The following ITFG1 variants were observed in gnomAD, a reference collection of about 807,000 sequenced individuals.
ITFG1 encodes integrin alpha FG-GAP repeat containing 1.
A neutral mutation model predicts 81.8 loss-of-function variants in ITFG1; 34 were observed. The ratio of observed to expected loss-of-function variants is 0.42; its 90% confidence interval spans 0.32 to 0.55. ITFG1 has a LOEUF of 0.55. Ranked by LOEUF, ITFG1 falls within the 20% of genes least tolerant of loss-of-function variation. The probability of loss-of-function intolerance (pLI) is 0.17; values close to 1 mark genes in which losing one functional copy is unlikely to be tolerated. For missense variants in ITFG1, 672 were observed against 755.4 expected (o/e 0.89, Z 1.29); for synonymous variants, 285 against 270.6 (o/e 1.05, Z -0.52).
chr16:47,404,196 C>T (rs1968699482), intron 6 of ITFG1, among the ~76,000 whole-genome samples: 1 of 152,108 alleles, frequency 6.6e-6, no homozygotes, highest in South Asian at 2.1e-4. Context: ...ACAGACAGTC[C>T]CTTCACAGAC....
intron 14 of ITFG1, among the ~76,000 whole-genome samples, chr16:47,196,968 T>G (rs1033089416): frequency 6.6e-6 from 1 of 151,918 alleles, no homozygotes; most frequent in Admixed American, 6.6e-5. Flanking sequence ...CAACAAAATT[T>G]AGAGATCCTA....
intron 8 of ITFG1, among the ~76,000 whole-genome samples, chr16:47,352,873 C>T (rs1446200467): frequency 6.6e-6 from 1 of 152,140 alleles, no homozygotes; most frequent in Non-Finnish European, 1.5e-5. Flanking sequence ...GAATACTATG[C>T]AGCCATAAAA....
At chr16:47,430,277 A>G (rs191959584) in intron 5 of ITFG1, among the ~76,000 whole-genome samples, 1 of 151,136 alleles carries the variant, frequency 6.6e-6, no homozygotes, top group East Asian at 1.9e-4. Context: ...TGTTGGCCAG[A>G]CTGGTCTTGA....
chr16:47,162,923 C>T (rs933935811), intron 14 of ITFG1, among the ~76,000 whole-genome samples: 6 of 152,024 alleles, frequency 3.9e-5, no homozygotes, highest in East Asian at 1.9e-4. Context: ...ATCCTCCTTC[C>T]GAGCCTCCCA....
At chr16:47,295,711 A>G (rs572363481) in intron 10 of ITFG1, among the ~76,000 whole-genome samples, 26 of 152,056 alleles carry the variant, frequency 1.7e-4, no homozygotes, top group Non-Finnish European at 2.9e-4. Context: ...TGGTTATTAG[A>G]GGGAGTGGTT....
At chr16:47,214,437 C>A (rs1416207159) in intron 14 of ITFG1, among the ~76,000 whole-genome samples, 6 of 151,946 alleles carry the variant, frequency 3.9e-5, no homozygotes, top group African/African-American at 1.5e-4. Context: ...CATAAATGAC[C>A]AACAACTCAC....
chr16:47,420,880 G>A (rs1224033534), intron 6 of ITFG1, among the ~76,000 whole-genome samples: 2 of 152,156 alleles, frequency 1.3e-5, no homozygotes, highest in African/African-American at 4.8e-5. Flanking sequence ...AATGGATTAA[G>A]ACAGAGTCTA....
At chr16:47,280,590 T>C (rs1425911354) in intron 10 of ITFG1, among the ~76,000 whole-genome samples, 1 of 152,170 alleles carries the variant, frequency 6.6e-6, no homozygotes, top group Non-Finnish European at 1.5e-5. Context: ...CATCTTTTGT[T>C]ACTCATAACA....
intron 1 of ITFG1, 76 bp from the exon 2 acceptor site, chr16:47,459,251 C>T: frequency 1.0e-6 from 1 of 968,954 alleles, no homozygotes; most frequent in Non-Finnish European, 1.7e-6. Flanking sequence ...AAGAAGGTTT[C>T]TGGGCACTGT....
At chr16:47,259,679 T>C (rs2151541910) in intron 11 of ITFG1, among the ~76,000 whole-genome samples, 1 of 152,336 alleles carries the variant, frequency 6.6e-6, no homozygotes, top group African/African-American at 2.4e-5. Flanking sequence ...AAGGATATAC[T>C]GTGATACATT....
At chr16:47,213,602 A>G (rs1002989785) in intron 14 of ITFG1, among the ~76,000 whole-genome samples, 3 of 152,146 alleles carry the variant, frequency 2.0e-5, no homozygotes, top group Non-Finnish European at 4.4e-5. Context: ...TAGAATTGCT[A>G]TGTCACGGGA....
intron 14 of ITFG1, chr16:47,202,578 G>C (rs1052847674): frequency 3.3e-5 from 5 of 149,780 alleles, no homozygotes; most frequent in Admixed American, 3.3e-4. Context: ...CTGCTGTGCA[G>C]GTGTAACTTA....
At chr16:47,230,689 A>G (rs536104359) in intron 13 of ITFG1, among the ~76,000 whole-genome samples, 3 of 152,336 alleles carry the variant, frequency 2.0e-5, no homozygotes, top group Non-Finnish European at 4.4e-5. Context: ...AGGAAAAGCA[A>G]TGAGAATGGC....
In ITFG1 at chr16:47,352,914, T is replaced by C. The variant is rs147816460; in HGVS notation, c.802+12874A>G. Among the ~76,000 whole-genome samples the C allele has an allele frequency of 4.0e-4, 61 of 152,258 alleles. 1 individual carries two copies. The Middle Eastern group carries it at 0.01, about 25-fold the overall frequency. On this transcript the variant is annotated intron_variant, in intron 8 of 17. Transcript: ENST00000320640. ...TGAGTTCATCTCCTTTGTAGCGACA[T>C]GGATGAAGCTGGAAACCATGATTCT... is the stretch of plus-strand genomic sequence containing the variant.
At chr16:47,381,683 A>T (rs1968398015) in intron 6 of ITFG1, among the ~76,000 whole-genome samples, 1 of 152,176 alleles carries the variant, frequency 6.6e-6, no homozygotes. Context: ...GGGCAGCATA[A>T]CAATGTAGAA....
intron 12 of ITFG1, among the ~76,000 whole-genome samples, chr16:47,240,392 C>T (rs569573467): frequency 4.6e-5 from 7 of 151,126 alleles, no homozygotes; most frequent in Admixed American, 1.3e-4. Flanking sequence ...TACCTCCCTA[C>T]GTAAAATGTA....
chr16:47,441,826 C>T (rs1339773309), intron 5 of ITFG1, among the ~76,000 whole-genome samples: 1 of 152,032 alleles, frequency 6.6e-6, no homozygotes, highest in African/African-American at 2.4e-5. Context: ...GAAGTTCTGG[C>T]CAGGGCAATC....
intron 2 of ITFG1, among the ~76,000 whole-genome samples, chr16:47,456,800 A>G (rs1969459626): frequency 6.6e-6 from 1 of 152,190 alleles, no homozygotes; most frequent in Non-Finnish European, 1.5e-5. Flanking sequence ...CGTGAAGTAA[A>G]TGAGGAAATT....
At chr16:47,199,291 C>CAAACCAAACG (rs1352483936) in intron 14 of ITFG1, among the ~76,000 whole-genome samples, 3 of 151,704 alleles carry the variant, frequency 2.0e-5, no homozygotes, top group Non-Finnish European at 2.9e-5. Context: ...CAAACCAAAC[C>CAAACCAAACG]AAAACAAAAA....
Sources: gnomAD v4.1 joint callset for allele counts (sites outside exome capture counted in the v4.1 genomes callset) on GRCh38, gnomAD v4.1.1 for gene constraint, MANE v1.5 for transcripts, NCBI Gene and HGNC (gene_info 2026-07-23, HGNC 2026-07-21) for gene names.